SUSD5: variants seen among roughly 807,000 people sequenced by gnomAD.
SUSD5 encodes sushi domain-containing protein 5.
A neutral mutation model predicts 29.5 loss-of-function variants in SUSD5; 33 were observed. The observed-to-expected ratio is 1.12, with a 90% CI of 0.85 to 1.49. The LOEUF is 1.49. SUSD5 is among the 40% of genes most tolerant of loss of function. SUSD5 has a pLI of 0.00. For missense variants in SUSD5, 776 were observed against 800.6 expected (o/e 0.97, Z 0.37); for synonymous variants, 308 against 325.3 (o/e 0.95, Z 0.57).
chr3:33,213,727 T>C (rs550175075), intron 2 of SUSD5, among the ~76,000 whole-genome samples: 2 of 151,226 alleles, frequency 1.3e-5, no homozygotes, highest in Non-Finnish European at 2.9e-5. Flanking sequence ...TGAGCCTAGA[T>C]TGCACCACTG....
intron 1 of SUSD5, among the ~76,000 whole-genome samples, chr3:33,214,394 C>A (rs750581215): frequency 1.7e-5 from 2 of 117,850 alleles, no homozygotes; most frequent in East Asian, 6.0e-4. Context: ...TCTTTTAAAA[C>A]GGTGTTTTAC....
At chr3:33,208,351 TG>T (rs551227324) in intron 2 of SUSD5, among the ~76,000 whole-genome samples, 69 of 152,282 alleles carry the variant, frequency 4.5e-4, no homozygotes, top group African/African-American at 1.5e-3. Flanking sequence ...CCCATGAGTT[TG>T]GGTATGTACA....
chr3:33,164,372 A>G (rs902359081), intron 4 of SUSD5, among the ~76,000 whole-genome samples: 6 of 152,196 alleles, frequency 3.9e-5, no homozygotes, highest in Non-Finnish European at 8.8e-5. Flanking sequence ...TAATGAGTAT[A>G]AAGTTTCAGA....
At chr3:33,189,624 G>T (rs773689450) in intron 3 of SUSD5, among the ~76,000 whole-genome samples, 2 of 151,116 alleles carry the variant, frequency 1.3e-5, no homozygotes, top group East Asian at 3.9e-4. Flanking sequence ...CATTGTTTTT[G>T]TTTTGAGAAG....
At chr3:33,210,839 A>G (rs1039572438) in intron 2 of SUSD5, among the ~76,000 whole-genome samples, 5 of 152,050 alleles carry the variant, frequency 3.3e-5, no homozygotes, top group African/African-American at 1.2e-4. Context: ...TACATTGTAT[A>G]GTAAATATAA....
At chr3:33,196,465 C>G (rs1463046511) in intron 3 of SUSD5, among the ~76,000 whole-genome samples, 1 of 152,068 alleles carries the variant, frequency 6.6e-6, no homozygotes. Flanking sequence ...TTCCCCTTTC[C>G]CTGACACACA....
rs1018500058 is a variant in SUSD5, at chr3:33,168,667, T to G, written c.598+6219A>C. On this transcript the variant is annotated intron_variant, in intron 4 of 4. Transcript: ENST00000309558. ...GTTTTATTTTTTATTTTTATTTTTTTGAGACAGAATCTCACTCCGTTGCCC... is the reference window on the plus strand; with the variant it reads ...GTTTTATTTTTTATTTTTATTTTTTGGAGACAGAATCTCACTCCGTTGCCC... The G allele has an allele frequency of 5.1e-5, 45 of 887,076 alleles. No homozygotes were observed. In the African/African-American group the frequency reaches 8.0e-4, roughly 16 times the overall value. 55.0% of individuals were successfully genotyped at this position (887,076 alleles called of 1,614,324 possible).
rs1575532875 is a variant in SUSD5, at chr3:33,174,933, C to T, written c.551G>A (p.Cys184Tyr). ...GCCGTACCACTCCCCACAGCTGTTA[C>T]ATAGCAAGGTGAAGGCGGTCTCCCG... is the stretch of plus-strand genomic sequence containing the variant. ...GHRETAFTLL[C>Y]NSCGEWYGLV... Residue 184 changes from cysteine (C) to tyrosine (Y), a missense_variant, in exon 4 of 5, where the codon TGT becomes TAT. Cys to Tyr is a radical substitution (Grantham distance 194, BLOSUM62 -2). Coordinates refer to ENST00000309558, the MANE Select transcript of SUSD5 (RefSeq NM_015551.2). The T allele has an allele frequency of 3.7e-6, 6 of 1,614,040 alleles. No homozygotes were observed. Among genetic ancestry groups the T allele is most frequent in the Non-Finnish European group, 5.1e-6 (6 of 1,179,902 alleles).
chr3:33,187,560 C>T (rs1235819657), intron 3 of SUSD5, among the ~76,000 whole-genome samples: 1 of 152,140 alleles, frequency 6.6e-6, no homozygotes, highest in Non-Finnish European at 1.5e-5. Flanking sequence ...TCATCTTGAA[C>T]CTCACAAGGG....
chr3:33,173,668 A>G (rs901830894), intron 4 of SUSD5, among the ~76,000 whole-genome samples: 1 of 152,226 alleles, frequency 6.6e-6, no homozygotes, highest in Non-Finnish European at 1.5e-5. Context: ...CTGTCCTATA[A>G]GTTCAGTAAC....
intron 1 of SUSD5, 44 bp from the exon 2 acceptor site, chr3:33,214,149 T>C (rs1170286105): frequency 4.6e-6 from 7 of 1,535,948 alleles, no homozygotes; most frequent in South Asian, 1.3e-5. Context: ...TCAGGATCCA[T>C]GGGAAGTTAG....
intron 1 of SUSD5, among the ~76,000 whole-genome samples, chr3:33,218,046 T>C (rs1338456447): frequency 6.6e-6 from 1 of 152,212 alleles, no homozygotes; most frequent in African/African-American, 2.4e-5. Context: ...GTGGATCAAT[T>C]CTCAGAGAAC....
chr3:33,174,453 G>A (rs949697070), intron 4 of SUSD5, among the ~76,000 whole-genome samples: 4 of 152,084 alleles, frequency 2.6e-5, no homozygotes, highest in Admixed American at 1.3e-4. Flanking sequence ...CCACCCTCAG[G>A]GCAGCCCAGA....
chr3:33,173,199 C>T (rs2031472426), intron 4 of SUSD5, among the ~76,000 whole-genome samples: 1 of 152,198 alleles, frequency 6.6e-6, no homozygotes, highest in African/African-American at 2.4e-5. Context: ...CAAATCACCA[C>T]AGAGCTGTCA....
rs114195546 is a variant in SUSD5 at position 33,159,683 on chromosome 3, G to A, written c.599-5650C>T. On this transcript the variant is annotated intron_variant, in intron 4 of 4. Transcript: ENST00000309558. Reference sequence around the variant, plus strand: ...CCCTCCCCCATACCTACCAAAATGGGGAAACACCACCAAACACACCCATAC... The same window carrying A: ...CCCTCCCCCATACCTACCAAAATGGAGAAACACCACCAAACACACCCATAC... Among the ~76,000 whole-genome samples the A allele has an allele frequency of 4.9e-3, 719 of 145,584 alleles. 13 individuals carry two copies. Among genetic ancestry groups the A allele is most frequent in the Non-Finnish European group, 4.6e-3 (309 of 67,142 alleles).
chr3:33,213,245 A>G (rs1175753042), intron 2 of SUSD5, among the ~76,000 whole-genome samples: 1 of 151,940 alleles, frequency 6.6e-6, no homozygotes, highest in Non-Finnish European at 1.5e-5. Flanking sequence ...TTTTACCTCT[A>G]TAAAAAAAAA....
At chr3:33,170,647 T>G (rs2031404448) in intron 4 of SUSD5, among the ~76,000 whole-genome samples, 1 of 152,212 alleles carries the variant, frequency 6.6e-6, no homozygotes, top group Non-Finnish European at 1.5e-5. Flanking sequence ...ACTAGGAAGC[T>G]ACCAGCTGCG....
chr3:33,164,770 T>A (rs1319848694), intron 4 of SUSD5, among the ~76,000 whole-genome samples: 1 of 152,166 alleles, frequency 6.6e-6, no homozygotes, highest in Non-Finnish European at 1.5e-5. Context: ...GAAAAGGTGC[T>A]TAACATCATT....
At chr3:33,193,666 T>C (rs1472163006) in intron 3 of SUSD5, among the ~76,000 whole-genome samples, 2 of 152,008 alleles carry the variant, frequency 1.3e-5, no homozygotes, top group African/African-American at 2.4e-5. Flanking sequence ...TGAGGGGAGA[T>C]GAGGGTGAAA....
Sources: allele counts gnomAD v4.1 joint callset (sites outside exome capture counted in the v4.1 genomes callset), GRCh38; gene constraint gnomAD v4.1.1; transcripts MANE v1.5; gene names NCBI Gene and HGNC (gene_info 2026-07-23, HGNC 2026-07-21).